Variants in CDH4 observed in about 807,000 individuals in gnomAD.
CDH4 encodes cadherin-4.
In CDH4, 33 loss-of-function variants were observed where a neutral mutation model predicts 86.0. That is an observed-to-expected ratio of 0.38 (90% CI 0.29 to 0.51). The LOEUF (loss-of-function observed/expected upper bound fraction) is 0.51, where lower values mean the gene tolerates loss of function less well. Ranked by LOEUF, CDH4 falls within the 20% of genes least tolerant of loss-of-function variation. The pLI, the probability that CDH4 is intolerant of heterozygous loss-of-function variation, is 0.86. For missense variants in CDH4, 1,114 were observed against 1,307.4 expected, an observed-to-expected ratio of 0.85 and a Z score of 2.28; for synonymous variants, 555 against 549.4, an observed-to-expected ratio of 1.01 and a Z score of -0.14.
intron 4 of CDH4, among the ~76,000 whole-genome samples, chr20:61,775,940 C>T (rs1283869311): frequency 6.6e-5 from 10 of 152,320 alleles, no homozygotes; most frequent in Admixed American, 2.0e-4. Context: ...ATGGGCACAG[C>T]CCCTGTCCCA....
At chr20:61,592,543 C>G (rs1381473254) in intron 2 of CDH4, among the ~76,000 whole-genome samples, 1 of 152,180 alleles carries the variant, frequency 6.6e-6, no homozygotes, top group East Asian at 1.9e-4. Context: ...GCCACCACCA[C>G]AATCTAATTT....
At chr20:61,456,108 A>G (rs1228648881) in intron 2 of CDH4, among the ~76,000 whole-genome samples, 2 of 152,120 alleles carry the variant, frequency 1.3e-5, no homozygotes, top group East Asian at 3.9e-4. Context: ...GGTTGGATGG[A>G]TAGATGGATG....
intron 3 of CDH4, among the ~76,000 whole-genome samples, chr20:61,751,653 T>A (rs2088497917): frequency 6.6e-6 from 1 of 152,216 alleles, no homozygotes; most frequent in Non-Finnish European, 1.5e-5. Flanking sequence ...TAAGACTGGT[T>A]TTTACATTTT....
rs1330014687 is a variant in CDH4, at chr20:61,708,003, G to T, written c.170-35560G>T. ...GCGGCCACCAGGCTTTGGAGGGAGAGACAGTGGAGTTTGCATCCACCAGTG... is the reference window on the plus strand; with the variant it reads ...GCGGCCACCAGGCTTTGGAGGGAGATACAGTGGAGTTTGCATCCACCAGTG... On this transcript the variant is annotated intron_variant, in intron 2 of 15. Coordinates refer to ENST00000614565, the MANE Select transcript of CDH4 (RefSeq NM_001794.5). The surrounding 1 kb of genome is among the most constrained non-coding windows in gnomAD (Gnocchi z 4.5). Among the ~76,000 whole-genome samples the T allele has an allele frequency of 1.3e-5, 2 of 152,166 alleles. No individual in the cohort carries two copies. The highest frequency in any genetic ancestry group is 1.9e-4 in the East Asian group (1 of 5,176).
chr20:61,490,388 A>T (rs2145587846), intron 2 of CDH4, among the ~76,000 whole-genome samples: 1 of 152,310 alleles, frequency 6.6e-6, no homozygotes, highest in South Asian at 2.1e-4. Flanking sequence ...GAAGAAGCCA[A>T]ACTAATTGGT....
rs188514235 is a variant in CDH4, at chr20:61,582,125, C to G, written c.170-161438C>G. Among the ~76,000 whole-genome samples, 1 of 152,244 alleles carries G rather than the reference C, an allele frequency of 6.6e-6. No homozygotes were observed. The highest frequency in any genetic ancestry group is 1.5e-5 in the Non-Finnish European group (1 of 68,042). The stretch of plus-strand genomic sequence containing the variant: ...TCGTGGCCATCATTACCATTGGCGG[C>G]ATGCTGCCCATGCCTTGTGTGTGCA... On this transcript the variant is annotated intron_variant, in intron 2 of 15. Transcript: ENST00000614565. The surrounding 1 kb of genome is among the most constrained non-coding windows in gnomAD (Gnocchi z 4.2).
intron 7 of CDH4, among the ~76,000 whole-genome samples, chr20:61,876,202 G>A (rs748634211): frequency 1.3e-5 from 2 of 152,238 alleles, no homozygotes; most frequent in Non-Finnish European, 2.9e-5. Context: ...CCTTGCAGGG[G>A]CAGGGTCAGG....
intron 2 of CDH4, among the ~76,000 whole-genome samples, chr20:61,360,672 G>A (rs34531534): frequency 0.23 from 34,681 of 152,162 alleles, 4,490 homozygotes; most frequent in South Asian, 0.35. Context: ...GGCCCCAGAT[G>A]TTCCTTACGG....
At chr20:61,755,358 GCCACACACA>G (rs1335748315) in intron 3 of CDH4, among the ~76,000 whole-genome samples, 1 of 132,774 alleles carries the variant, frequency 7.5e-6, no homozygotes, top group Non-Finnish European at 1.6e-5. Context: ...CATAGTGCAT[GCCACACACA>G]CCACACACAC....
At chr20:61,770,007 AC>A (rs764217060) in intron 3 of CDH4, among the ~76,000 whole-genome samples, 9 of 152,178 alleles carry the variant, frequency 5.9e-5, no homozygotes, top group Non-Finnish European at 1.0e-4. Flanking sequence ...TGCTCATCGG[AC>A]ATTCAGTACC....
intron 2 of CDH4, among the ~76,000 whole-genome samples, chr20:61,591,363 A>C (rs577714644): frequency 6.6e-6 from 1 of 152,370 alleles, no homozygotes; most frequent in South Asian, 2.1e-4. Context: ...TTCCAAAACA[A>C]CACCAGCTGA....
At chr20:61,933,926 G>A (rs2123012363) in intron 14 of CDH4, 130 bp from the exon 15 acceptor site, 1 of 1,008,656 alleles carries the variant, frequency 9.9e-7, no homozygotes, top group Non-Finnish European at 1.5e-6. Flanking sequence ...TGGTTCTGTG[G>A]GATGCTTGGA....
chr20:61,775,165 C>G (rs1296708690), intron 4 of CDH4, among the ~76,000 whole-genome samples: 1 of 152,064 alleles, frequency 6.6e-6, no homozygotes, highest in Non-Finnish European at 1.5e-5. Context: ...GTTTGTCAGG[C>G]TAAAAGCTGA....
intron 2 of CDH4, among the ~76,000 whole-genome samples, chr20:61,677,420 C>T (rs1267952404): frequency 6.6e-6 from 1 of 152,220 alleles, no homozygotes; most frequent in African/African-American, 2.4e-5. Context: ...CAGACTCCTG[C>T]CTCACAGCAT....
At chr20:61,799,963 G>A (rs865973153) in intron 4 of CDH4, among the ~76,000 whole-genome samples, 7 of 152,066 alleles carry the variant, frequency 4.6e-5, no homozygotes, top group African/African-American at 1.4e-4. Context: ...GGCCATCTCC[G>A]CTTGTCTTCA....
At chr20:61,267,971 A>G (rs1346788274) in intron 2 of CDH4, among the ~76,000 whole-genome samples, 3 of 152,234 alleles carry the variant, frequency 2.0e-5, no homozygotes, top group South Asian at 2.1e-4. Context: ...GTCTGGCTTC[A>G]GGGCAGATCC....
In CDH4 at chr20:61,924,415, C is replaced by T; in HGVS notation, c.1710C>T (p.Asp570=). The change falls in exon 11 of 16, where the codon GAC becomes GAT. Residue 570 remains aspartate, a synonymous_variant. Coordinates refer to ENST00000614565, the MANE Select transcript of CDH4 (RefSeq NM_001794.5). ...AGATCACCACGGCGGCAGTGCTGGA[C>T]CGTGAGTCCCTCTACACCAAAAACA... ...NGQITTAAVL[D]RESLYTKNNV... 1 of 1,613,892 alleles carries T rather than the reference C, an allele frequency of 6.2e-7. No homozygotes were observed. Among genetic ancestry groups the T allele is most frequent in the Non-Finnish European group, 8.5e-7 (1 of 1,179,958 alleles).
intron 2 of CDH4, among the ~76,000 whole-genome samples, chr20:61,556,943 A>G (rs1025726129): frequency 1.3e-5 from 2 of 151,944 alleles, no homozygotes; most frequent in Non-Finnish European, 2.9e-5. Flanking sequence ...GGGCCTGATG[A>G]ATAGAAATGT....
intron 2 of CDH4, among the ~76,000 whole-genome samples, chr20:61,394,291 T>C (rs2085003015): frequency 6.6e-6 from 1 of 152,084 alleles, no homozygotes; most frequent in African/African-American, 2.4e-5. Context: ...TCTCCTGCCA[T>C]CCAGGACTCT....
Sources: gnomAD v4.1 joint callset for allele counts (sites outside exome capture counted in the v4.1 genomes callset) on GRCh38, gnomAD v4.1.1 for gene constraint, Gnocchi (gnomAD v3.1) non-coding constraint, MANE v1.5 for transcripts, NCBI Gene and HGNC (gene_info 2026-07-23, HGNC 2026-07-21) for gene names.